The following ITPR2 variants were observed in gnomAD, a reference collection of about 807,000 sequenced individuals.
The protein encoded by ITPR2 is inositol 1,4,5-trisphosphate-gated calcium channel ITPR2.
Under a neutral mutation model 317.1 loss-of-function variants are expected in ITPR2, and 207 were observed. The ratio of observed to expected loss-of-function variants is 0.65; its 90% CI spans 0.58 to 0.73. The LOEUF (loss-of-function observed/expected upper bound fraction) is 0.73. Among genes scored for constraint, ITPR2 ranks in the 30% least tolerant of loss-of-function variants. ITPR2 has a pLI of 0.00. For missense variants in ITPR2, 2,613 were observed against 3,284.0 expected (o/e 0.80, Z 4.99); for synonymous variants, 1,156 against 1,149.1 (o/e 1.01, Z -0.12).
intron 10 of ITPR2, among the ~76,000 whole-genome samples, chr12:26,688,121 G>C (rs1017027772): frequency 6.6e-6 from 1 of 151,934 alleles, no homozygotes; most frequent in Non-Finnish European, 1.5e-5. Context: ...CTATAGTCTC[G>C]CTCTCCAGGG....
chr12:26,618,449 A>G (rs1946418112), intron 26 of ITPR2, among the ~76,000 whole-genome samples: 1 of 152,208 alleles, frequency 6.6e-6, no homozygotes, highest in Non-Finnish European at 1.5e-5. Flanking sequence ...AAAAAACTCA[A>G]CCTCATAACT....
rs1942905591 is a variant in ITPR2 at position 26,495,224 on chromosome 12, A to T, written c.5110T>A (p.Phe1704Ile). Residue 1704 changes from phenylalanine to isoleucine, a missense_variant, in exon 38 of 57, where the codon TTT becomes ATT. This residue lies in a region of ITPR2 where 926 missense variants were observed against 1,072.8 expected (regional missense o/e 0.86). Coordinates refer to ENST00000381340, the MANE Select transcript of ITPR2 (RefSeq NM_002223.4). Reference protein sequence around the residue: ...TLRKILLNRYFKGDYSIGVNG... With the variant: ...TLRKILLNRYIKGDYSIGVNG... Reference sequence around the variant, plus strand: ...ACACCAATACTATAATCACCTTTAAAGTATCGATTCAGAAGTATCTTTCTT... The same window carrying T: ...ACACCAATACTATAATCACCTTTAATGTATCGATTCAGAAGTATCTTTCTT... The T allele has an allele frequency of 1.2e-6, 2 of 1,607,272 alleles. No homozygotes were observed. The highest frequency in any genetic ancestry group is 2.7e-5 in the African/African-American group (2 of 74,792).
At chr12:26,769,501 A>G (rs1949801773) in intron 2 of ITPR2, among the ~76,000 whole-genome samples, 1 of 152,158 alleles carries the variant, frequency 6.6e-6, no homozygotes, top group Non-Finnish European at 1.5e-5. Flanking sequence ...TCTTGGTGGT[A>G]GCTTGAATAA....
At chr12:26,666,144 A>AGAT in intron 13 of ITPR2, 93 bp from the exon 14 acceptor site, 2 of 391,862 alleles carry the variant, frequency 5.1e-6, no homozygotes, top group Non-Finnish European at 7.9e-6. Context: ...AGAGATAGAT[A>AGAT]GATAGATAGA....
intron 2 of ITPR2, among the ~76,000 whole-genome samples, chr12:26,778,756 G>A (rs1003286597): frequency 6.6e-6 from 1 of 152,192 alleles, no homozygotes; most frequent in African/African-American, 2.4e-5. Flanking sequence ...CAAACACACT[G>A]GACTTATTTG....
At chr12:26,652,374 G>A (rs1464575357) in intron 21 of ITPR2, among the ~76,000 whole-genome samples, 5 of 152,142 alleles carry the variant, frequency 3.3e-5, no homozygotes, top group African/African-American at 1.2e-4. Flanking sequence ...TTGAGATTTG[G>A]GCAGCAGCAA....
At chr12:26,636,619 T>C (rs937924306) in intron 21 of ITPR2, among the ~76,000 whole-genome samples, 3 of 152,242 alleles carry the variant, frequency 2.0e-5, no homozygotes, top group African/African-American at 7.2e-5. Context: ...TTTATACTTC[T>C]CCCTTTTTTC....
chr12:26,777,700 C>T (rs1008430858), intron 2 of ITPR2, among the ~76,000 whole-genome samples: 2 of 150,404 alleles, frequency 1.3e-5, no homozygotes, highest in African/African-American at 2.4e-5. Context: ...AATTATAAAA[C>T]AGAGATTCAT....
chr12:26,832,354 G>A (rs1469928052), intron 1 of ITPR2, among the ~76,000 whole-genome samples: 1 of 152,240 alleles, frequency 6.6e-6, no homozygotes. Flanking sequence ...ACCTTCCAGG[G>A]AAAACAAGCA....
intron 35 of ITPR2, among the ~76,000 whole-genome samples, chr12:26,558,309 T>G (rs890885038): frequency 6.6e-6 from 1 of 152,228 alleles, no homozygotes; most frequent in Non-Finnish European, 1.5e-5. Context: ...ATTTTGGTCA[T>G]GAGGCAACTA....
At chr12:26,590,834 C>G (rs563912089) in intron 32 of ITPR2, among the ~76,000 whole-genome samples, 1 of 152,224 alleles carries the variant, frequency 6.6e-6, no homozygotes, top group East Asian at 1.9e-4. Context: ...AATCTTAGCA[C>G]TTTGTGAGGC....
chr12:26,363,701 T>A (rs569873540), intron 55 of ITPR2, among the ~76,000 whole-genome samples: 1 of 152,024 alleles, frequency 6.6e-6, no homozygotes, highest in Non-Finnish European at 1.5e-5. Context: ...CAAACCACCA[T>A]GGCACACAGG....
intron 55 of ITPR2, among the ~76,000 whole-genome samples, chr12:26,355,414 C>CAATT (rs1555111861): frequency 1.3e-4 from 1 of 7,674 alleles, no homozygotes; most frequent in Non-Finnish European, 1.0e-3. Context: ...GGATCTGGAC[C>CAATT]AACTAAGAAT....
At chr12:26,424,892 TG>T (rs1941009634) in intron 49 of ITPR2, among the ~76,000 whole-genome samples, 1 of 152,080 alleles carries the variant, frequency 6.6e-6, no homozygotes, top group South Asian at 2.1e-4. Flanking sequence ...CTGGAGTAGC[TG>T]GGACTACAGG....
chr12:26,509,681 C>G (rs1170598176), intron 37 of ITPR2, among the ~76,000 whole-genome samples: 2 of 152,062 alleles, frequency 1.3e-5, no homozygotes, highest in African/African-American at 4.8e-5. Context: ...CAATTAGGAG[C>G]CAATTTCCTT....
At chr12:26,357,128 G>T (rs575352695) in intron 55 of ITPR2, among the ~76,000 whole-genome samples, 9 of 152,020 alleles carry the variant, frequency 5.9e-5, no homozygotes, top group Admixed American at 1.3e-4. Flanking sequence ...GGTGACTCTT[G>T]GTGGGCCCCT....
chr12:26,389,128 G>C (rs549963809), intron 54 of ITPR2, among the ~76,000 whole-genome samples: 1 of 151,960 alleles, frequency 6.6e-6, no homozygotes, highest in East Asian at 1.9e-4. Context: ...AGACTCCCAG[G>C]CCCCCCTGTT....
At chr12:26,531,686 T>C (rs1311876805) in intron 37 of ITPR2, among the ~76,000 whole-genome samples, 2 of 145,440 alleles carry the variant, frequency 1.4e-5, no homozygotes, top group Non-Finnish European at 3.1e-5. Flanking sequence ...CACACACAAG[T>C]GTGTATCTGA....
intron 55 of ITPR2, 78 bp downstream of exon 55, chr12:26,387,356 G>T (rs924462033): frequency 2.3e-6 from 3 of 1,296,986 alleles, no homozygotes; most frequent in Non-Finnish European, 3.3e-6. Flanking sequence ...TTCATATTTT[G>T]GGAGGATGGT....
Sources: allele counts gnomAD v4.1 joint callset (sites outside exome capture counted in the v4.1 genomes callset), GRCh38; gene constraint gnomAD v4.1.1; regional missense constraint gnomAD v4.1.1; transcripts MANE v1.5; gene names NCBI Gene and HGNC (gene_info 2026-07-23, HGNC 2026-07-21).